PARD3: variants seen among roughly 807,000 people sequenced by gnomAD.
PARD3 encodes partitioning defective 3 homolog.
PARD3 carries 75 observed loss-of-function variants against 155.4 expected under a neutral mutation model. The ratio of observed to expected loss-of-function variants is 0.48; its 90% CI spans 0.40 to 0.58. The LOEUF is 0.58. Among genes scored for constraint, PARD3 ranks in the 20% least tolerant of loss-of-function variants. The pLI, the probability that PARD3 is intolerant of heterozygous loss-of-function variation, is 0.00. For synonymous variants in PARD3, 576 were observed against 610.5 expected, an observed-to-expected ratio of 0.94 and a Z score of 0.83; for missense variants, 1,642 against 1,721.7, an observed-to-expected ratio of 0.95 and a Z score of 0.82.
rs144645860 is a variant in PARD3 at position 34,160,068 on chromosome 10, AC to A, written c.3420-28486del. On this transcript the variant is annotated intron_variant, in intron 22 of 24. Transcript: ENST00000374788. ...AGTAGATAGAATATTATCAAAAGAG[AC>A]TAAAGTATTTTAACATTTTGGAGTT... 4.9e-3 allele frequency among the ~76,000 whole-genome samples: 753 copies of A among 152,348 alleles called. 5 individuals carry two copies. The highest frequency in any genetic ancestry group is 0.017 in the African/African-American group (693 of 41,574).
At chr10:34,671,606 T>C (rs1209165654) in intron 2 of PARD3, among the ~76,000 whole-genome samples, 3 of 152,156 alleles carry the variant, frequency 2.0e-5, no homozygotes, top group Non-Finnish European at 4.4e-5. Context: ...GCTATCACCA[T>C]ACAAGGCTAC....
intron 2 of PARD3, among the ~76,000 whole-genome samples, chr10:34,610,062 T>C (rs1190354293): frequency 3.9e-5 from 6 of 152,212 alleles, no homozygotes; most frequent in African/African-American, 1.4e-4. Flanking sequence ...GGGCCTTTTA[T>C]TGAAGCTCTG....
intron 19 of PARD3, 105 bp from the exon 20 acceptor site, chr10:34,317,443 G>T: frequency 8.5e-7 from 1 of 1,179,442 alleles, no homozygotes; most frequent in Non-Finnish European, 1.2e-6. Context: ...TTTTACTGCA[G>T]TATGGCCCTG....
intron 6 of PARD3, among the ~76,000 whole-genome samples, chr10:34,399,881 A>T (rs1843713108): frequency 6.6e-6 from 1 of 152,186 alleles, no homozygotes; most frequent in Non-Finnish European, 1.5e-5. Context: ...GCAGCTACAG[A>T]ACACTTTCTA....
chr10:34,227,968 T>G (rs1952711964), intron 22 of PARD3, among the ~76,000 whole-genome samples: 1 of 149,452 alleles, frequency 6.7e-6, no homozygotes, highest in Non-Finnish European at 1.5e-5. Context: ...CACGCCTATG[T>G]TTATCATAGC....
At chr10:34,219,622 A>G (rs988958176) in intron 22 of PARD3, among the ~76,000 whole-genome samples, 1 of 152,182 alleles carries the variant, frequency 6.6e-6, no homozygotes, top group Non-Finnish European at 1.5e-5. Context: ...TAAAATTTCT[A>G]GTTTGCAGGT....
intron 2 of PARD3, among the ~76,000 whole-genome samples, chr10:34,681,754 ATATATATATATATATTT>A (rs1257920294): frequency 9.0e-4 from 17 of 18,966 alleles, no homozygotes; most frequent in African/African-American, 4.0e-3. Flanking sequence ...ATATATATAT[ATATATATATATATATTT>A]TTTTTTTTTT....
At chr10:34,395,843 CAAAAAAAAAAAAAAAAA>C (rs1173283584) in intron 7 of PARD3, among the ~76,000 whole-genome samples, 1 of 23,300 alleles carries the variant, frequency 4.3e-5, no homozygotes, top group Non-Finnish European at 5.7e-5. Context: ...GACTCCGTCT[CAAAAAAAAAAAAAAAAA>C]AAAAAAAGAA....
chr10:34,701,874 C>T (rs1040379631), intron 1 of PARD3, among the ~76,000 whole-genome samples: 2 of 152,072 alleles, frequency 1.3e-5, no homozygotes, highest in Non-Finnish European at 2.9e-5. Flanking sequence ...AATAATAAAA[C>T]AATTTTGGCT....
At chr10:34,317,039 G>A (rs571055310) in intron 20 of PARD3, 68 bp downstream of exon 20, 2 of 1,420,452 alleles carry the variant, frequency 1.4e-6, no homozygotes, top group African/African-American at 2.9e-5. Context: ...CCAGTTTTTA[G>A]TACTTTTTGC....
intron 2 of PARD3, among the ~76,000 whole-genome samples, chr10:34,564,851 T>A (rs1161006648): frequency 6.6e-6 from 1 of 152,214 alleles, no homozygotes; most frequent in East Asian, 1.9e-4. Context: ...AATGTATGTA[T>A]GAAATACAAT....
chr10:34,647,768 C>A (rs1022231339), intron 2 of PARD3, among the ~76,000 whole-genome samples: 1 of 152,152 alleles, frequency 6.6e-6, no homozygotes, highest in African/African-American at 2.4e-5. Context: ...GTTGCTAAGG[C>A]CTATTTGAGA....
chr10:34,385,133 C>T (rs955153219), intron 7 of PARD3, among the ~76,000 whole-genome samples: 1 of 151,958 alleles, frequency 6.6e-6, no homozygotes, highest in African/African-American at 2.4e-5. Flanking sequence ...TTTTTTTAGT[C>T]TTATTTTATT....
At chr10:34,515,972 C>CAT (rs2081715382) in intron 3 of PARD3, among the ~76,000 whole-genome samples, 1 of 149,180 alleles carries the variant, frequency 6.7e-6, no homozygotes, top group Non-Finnish European at 1.5e-5. Context: ...ATAAATAATC[C>CAT]TTTTTTTTTT....
intron 1 of PARD3, among the ~76,000 whole-genome samples, chr10:34,802,690 C>CT (rs966147694): frequency 1.1e-4 from 16 of 151,232 alleles, no homozygotes; most frequent in East Asian, 3.9e-4. Context: ...TCCTTGGTGA[C>CT]TTTTTTTTTA....
At chr10:34,751,082 C>G (rs1467821188) in intron 1 of PARD3, among the ~76,000 whole-genome samples, 1 of 152,104 alleles carries the variant, frequency 6.6e-6, no homozygotes, top group Non-Finnish European at 1.5e-5. Context: ...CAGACAGAAC[C>G]AGGTTCACAC....
intron 2 of PARD3, among the ~76,000 whole-genome samples, chr10:34,650,725 A>T (rs1251126008): frequency 6.6e-6 from 1 of 152,168 alleles, no homozygotes; most frequent in Non-Finnish European, 1.5e-5. Flanking sequence ...AAAGAAACAC[A>T]GTCCAGCCGG....
intron 2 of PARD3, among the ~76,000 whole-genome samples, chr10:34,571,811 T>C (rs902857212): frequency 1.3e-5 from 2 of 152,222 alleles, no homozygotes; most frequent in African/African-American, 4.8e-5. Flanking sequence ...CAGGTATTAA[T>C]ATCTGTACCA....
At chr10:34,573,802 G>C in intron 2 of PARD3, among the ~76,000 whole-genome samples, 1 of 148,210 alleles carries the variant, frequency 6.7e-6, no homozygotes, top group East Asian at 2.0e-4. Context: ...CAGCCTCCAA[G>C]TACCGAACTA....
Sources: gnomAD v4.1 joint callset for allele counts (sites outside exome capture counted in the v4.1 genomes callset) on GRCh38, gnomAD v4.1.1 for gene constraint, MANE v1.5 for transcripts, NCBI Gene and HGNC (gene_info 2026-07-23, HGNC 2026-07-21) for gene names.